Variants in TMEM255B observed in about 807,000 individuals in gnomAD.
TMEM255B encodes the protein transmembrane protein 255B, also known as family with sequence similarity 70, member B.
In TMEM255B, 35 loss-of-function variants were observed where a neutral mutation model predicts 34.5. The ratio of observed to expected loss-of-function variants is 1.01; its 90% CI spans 0.77 to 1.34. The LOEUF is 1.34. TMEM255B is among the 40% of genes most tolerant of loss of function. TMEM255B has a pLI of 0.00. For synonymous variants in TMEM255B, 206 were observed against 201.2 expected, an observed-to-expected ratio of 1.02 and a Z score of -0.20; for missense variants, 432 against 433.2, an observed-to-expected ratio of 1.00 and a Z score of 0.02.
chr13:113,807,897 C>G (rs2051214996), intron 8 of TMEM255B, among the ~76,000 whole-genome samples: 1 of 152,092 alleles, frequency 6.6e-6, no homozygotes, highest in African/African-American at 2.4e-5. Flanking sequence ...CACTTCATCC[C>G]CATGGTGCTC....
intron 3 of TMEM255B, among the ~76,000 whole-genome samples, chr13:113,784,593 A>G (rs765734034): frequency 2.2e-4 from 33 of 151,958 alleles, no homozygotes; most frequent in Non-Finnish European, 4.1e-4. Context: ...AGAAGGAGAG[A>G]AGGGTTAGAG....
At chr13:113,809,625 C>T (rs569316484) in intron 8 of TMEM255B, among the ~76,000 whole-genome samples, 37 of 133,910 alleles carry the variant, frequency 2.8e-4, no homozygotes, top group African/African-American at 1.0e-3. Context: ...GAGTTTACTC[C>T]ATGGTTCCTG....
intron 1 of TMEM255B, among the ~76,000 whole-genome samples, chr13:113,763,695 A>T (rs1049820182): frequency 6.6e-6 from 1 of 152,208 alleles, no homozygotes; most frequent in Non-Finnish European, 1.5e-5. Flanking sequence ...ATTTTTCAGT[A>T]CTTTATGAGT....
At position 113,812,834 on chromosome 13, in the gene TMEM255B, G is replaced by A. The variant is rs1423817161; in HGVS notation, c.*931G>A. ...GGTCACAGGTCCTGAGTGGGTCACA[G>A]GTCCCGGGTGGGTCACAGGCATCCC... On this transcript the variant is annotated 3_prime_UTR_variant, in exon 9 of 9. Coordinates refer to ENST00000375353, the MANE Select transcript of TMEM255B (RefSeq NM_182614.4). 1 of 174,834 alleles carries A rather than the reference G, an allele frequency of 5.7e-6. No individual in the cohort carries two copies. Among genetic ancestry groups the A allele is most frequent in the African/African-American group, 2.4e-5 (1 of 41,278 alleles). 10.8% of individuals were successfully genotyped at this position (174,834 alleles called of 1,614,324 possible).
At chr13:113,777,176 G>A (rs1004474451) in intron 3 of TMEM255B, among the ~76,000 whole-genome samples, 1 of 152,104 alleles carries the variant, frequency 6.6e-6, no homozygotes, top group Non-Finnish European at 1.5e-5. Flanking sequence ...CACTCCGCAG[G>A]GAGTTACATG....
Position 113,812,337 on chromosome 13 carries a change from C to T in TMEM255B, c.*434C>T, listed in dbSNP as rs2051328714. 5.8e-6 allele frequency: 1 copy of T among 173,554 alleles called. No homozygotes were observed. The highest frequency in any genetic ancestry group is 2.4e-5 in the African/African-American group (1 of 41,690). The allele number at this position is 173,554 out of a possible 1,614,324, so 10.8% of individuals were successfully genotyped here. A position where few individuals can be genotyped will look rare whatever the true frequency, so the allele number is the denominator to read the frequency against. On this transcript the variant is annotated 3_prime_UTR_variant, in exon 9 of 9. Transcript: ENST00000375353. ...ATCTGTGTCCTGGAGAAGCGCAGGGCAGAAGCCACCCGCCCCTCGTGCTGT... is the reference window on the plus strand; with the variant it reads ...ATCTGTGTCCTGGAGAAGCGCAGGGTAGAAGCCACCCGCCCCTCGTGCTGT...
intron 6 of TMEM255B, among the ~76,000 whole-genome samples, 189 bp downstream of exon 6, chr13:113,801,101 C>T (rs1255760600): frequency 6.6e-6 from 1 of 152,164 alleles, no homozygotes; most frequent in East Asian, 1.9e-4. Flanking sequence ...CTGCTCCTGA[C>T]ATCACCCCCC....
chr13:113,775,010 A>G (rs1199838819), intron 3 of TMEM255B, among the ~76,000 whole-genome samples: 1 of 140,368 alleles, frequency 7.1e-6, no homozygotes, highest in Non-Finnish European at 1.5e-5. Context: ...CACTCCACAC[A>G]ATACACAACA....
chr13:113,808,309 T>G (rs747763877), intron 8 of TMEM255B, among the ~76,000 whole-genome samples: 2 of 152,182 alleles, frequency 1.3e-5, no homozygotes, highest in Non-Finnish European at 2.9e-5. Flanking sequence ...TTGCCAGGCA[T>G]GAAGTGCAGG....
At chr13:113,761,269 C>T in intron 1 of TMEM255B, 2 of 985,352 alleles carry the variant, frequency 2.0e-6, no homozygotes, top group East Asian at 1.1e-4. Context: ...GTGACATTCC[C>T]CTTCCTGGCT....
At chr13:113,776,277 G>T (rs1190950003) in intron 3 of TMEM255B, among the ~76,000 whole-genome samples, 3 of 152,218 alleles carry the variant, frequency 2.0e-5, no homozygotes, top group African/African-American at 7.2e-5. Flanking sequence ...GGCTGCCTGG[G>T]CATCTGCCAC....
chr13:113,782,647 C>G (rs9577901), intron 3 of TMEM255B, among the ~76,000 whole-genome samples: 1 of 149,528 alleles, frequency 6.7e-6, no homozygotes, highest in Non-Finnish European at 1.5e-5. Context: ...GTGCCGGCAG[C>G]GATGAGATTT....
In TMEM255B at chr13:113,766,206, C is replaced by T. The variant is rs1241170089; in HGVS notation, c.138C>T (p.Ala46=). The change falls in exon 2 of 9, where the codon GCC becomes GCT. Residue 46 remains alanine, a synonymous_variant. Coordinates refer to ENST00000375353, the MANE Select transcript of TMEM255B (RefSeq NM_182614.4). ...TCATAGTCACCGTCGGGCTGGCTGC[C>T]ACCACCAGGACGGAGAATGTGACCG... ...SVLIVTVGLA[A]TTRTENVTVG... is the part of the protein sequence containing the mutation. The T allele has an allele frequency of 3.1e-6, 5 of 1,614,222 alleles. No individual in the cohort carries two copies.
chr13:113,778,066 G>A (rs1356553051), intron 3 of TMEM255B, among the ~76,000 whole-genome samples: 1 of 152,226 alleles, frequency 6.6e-6, no homozygotes, highest in South Asian at 2.1e-4. Flanking sequence ...CTAGTCCTGA[G>A]CTTGTCAGGA....
rs146264965 is a variant in TMEM255B at position 113,759,864 on chromosome 13, C to G, written c.46+549C>G. ...TTTCTCCCCGGTGTGTTCACGGAAT[C>G]TCCAATTCTTCCACTTCCCAGACCA... On this transcript the variant is annotated intron_variant, in intron 1 of 8. Transcript: ENST00000375353. 6.3e-3 allele frequency among the ~76,000 whole-genome samples: 964 copies of G among 152,292 alleles called. 8 individuals carry two copies. Among genetic ancestry groups the G allele is most frequent in the African/African-American group, 0.021 (893 of 41,546 alleles).
chr13:113,765,168 G>C (rs2050368918), intron 1 of TMEM255B, among the ~76,000 whole-genome samples: 1 of 152,218 alleles, frequency 6.6e-6, no homozygotes, highest in Non-Finnish European at 1.5e-5. Context: ...CTGAGTCCAA[G>C]AGGGCCTTGA....
chr13:113,793,572 G>C (rs984371626), intron 3 of TMEM255B, among the ~76,000 whole-genome samples: 7 of 145,270 alleles, frequency 4.8e-5, no homozygotes, highest in Non-Finnish European at 9.1e-5. Flanking sequence ...GACTTCTGTG[G>C]ACTCGCTCTC....
intron 3 of TMEM255B, among the ~76,000 whole-genome samples, chr13:113,783,259 C>A (rs563065987): frequency 6.6e-6 from 1 of 152,044 alleles, no homozygotes; most frequent in African/African-American, 2.4e-5. Flanking sequence ...TCCATGCCTG[C>A]GAGGGGACAG....
At chr13:113,766,677 T>G (rs920743178) in intron 2 of TMEM255B, among the ~76,000 whole-genome samples, 1 of 152,176 alleles carries the variant, frequency 6.6e-6, no homozygotes, top group Non-Finnish European at 1.5e-5. Context: ...GATTTTACCC[T>G]GAGGGACCAG....
Sources: gnomAD v4.1 joint callset for allele counts (sites outside exome capture counted in the v4.1 genomes callset) on GRCh38, gnomAD v4.1.1 for gene constraint, MANE v1.5 for transcripts, NCBI Gene and HGNC (gene_info 2026-07-23, HGNC 2026-07-21) for gene names.